The following KLF17 variants were observed in gnomAD, a reference collection of about 807,000 sequenced individuals.
KLF17 encodes KLF transcription factor 17, also known as Krueppel-like factor 17.
In KLF17, 31 loss-of-function variants were observed where a neutral mutation model predicts 34.2. That is an observed-to-expected ratio of 0.91 (90% CI 0.68 to 1.22). KLF17 has a LOEUF of 1.22. Among genes scored for constraint, KLF17 ranks in the 50% most tolerant of loss-of-function variants. The pLI, the probability that KLF17 is intolerant of heterozygous loss-of-function variation, is 0.00. For synonymous variants in KLF17, 179 were observed against 186.7 expected (o/e 0.96, Z 0.34); for missense variants, 478 against 505.2 (o/e 0.95, Z 0.52).
At chr1:44,113,092 A>G in the KLF17 span, among the ~76,000 whole-genome samples, 3 of 152,128 alleles carry the variant, frequency 2.0e-5, no homozygotes, top group Non-Finnish European at 4.4e-5. Context: ...GTAACCTCAA[A>G]GTTGATTTGT....
chr1:44,078,452 T>C, the KLF17 span, among the ~76,000 whole-genome samples: 2 of 151,746 alleles, frequency 1.3e-5, no homozygotes, highest in Admixed American at 1.3e-4. Context: ...TTTTTTTTTT[T>C]TGAAGGAGTT....
At chr1:44,102,494 AG>A in the KLF17 span, among the ~76,000 whole-genome samples, 1 of 149,262 alleles carries the variant, frequency 6.7e-6, no homozygotes, top group African/African-American at 2.5e-5. Context: ...TGGAGGTTGC[AG>A]TGAGCTGAGA....
the KLF17 span, among the ~76,000 whole-genome samples, chr1:44,078,151 TTAA>T: frequency 1.3e-5 from 2 of 152,258 alleles, no homozygotes; most frequent in Admixed American, 1.3e-4. Context: ...TGTAGATGTC[TTAA>T]TAACACTGAA....
At chr1:44,127,840 T>C (rs762690614) in intron 1 of KLF17, among the ~76,000 whole-genome samples, 7 of 151,140 alleles carry the variant, frequency 4.6e-5, no homozygotes, top group Non-Finnish European at 8.8e-5. Flanking sequence ...ACGTTTTCCC[T>C]TGATTTGTAG....
At chr1:44,081,731 A>G in the KLF17 span, among the ~76,000 whole-genome samples, 1 of 152,046 alleles carries the variant, frequency 6.6e-6, no homozygotes, top group Non-Finnish European at 1.5e-5. Flanking sequence ...TCCCCATGGT[A>G]GTCTTGTTTC....
chr1:44,079,307 C>CTTTTTTTTCTT, the KLF17 span, among the ~76,000 whole-genome samples: 1 of 140,868 alleles, frequency 7.1e-6, no homozygotes, highest in African/African-American at 2.6e-5. Flanking sequence ...TTTTCTTCTC[C>CTTTTTTTTCTT]TTTTTTTTTT....
the KLF17 span, among the ~76,000 whole-genome samples, chr1:44,099,368 C>T: frequency 2.0e-5 from 3 of 152,126 alleles, no homozygotes; most frequent in Non-Finnish European, 4.4e-5. Context: ...CATGCTGCTA[C>T]ACTCCTGCCT....
chr1:44,058,615 T>C, the KLF17 span, among the ~76,000 whole-genome samples: 1 of 149,020 alleles, frequency 6.7e-6, no homozygotes, highest in Non-Finnish European at 1.5e-5. Context: ...TATGTAAGGA[T>C]GACTCCAAAG....
Position 44,127,658 on chromosome 1 carries a change from C to CT in KLF17, c.82-1692dup, listed in dbSNP as rs879618450. Among the ~76,000 whole-genome samples, 56 of 42,096 alleles carry CT rather than the reference C, an allele frequency of 1.3e-3. 1 individual carries two copies. The highest frequency in any genetic ancestry group is 0.012 in the East Asian group (17 of 1,390). 27.6% of individuals were successfully genotyped at this position (42,096 alleles called of 152,430 possible). On this transcript the variant is annotated intron_variant, in intron 1 of 3. Transcript: ENST00000372299. ...TCTTTCCTTCTTTCTTTCTTTCTTT[C>CT]TTTCTTTCTTTCTTTCTTTCTTTCT... is the stretch of plus-strand genomic sequence containing the variant.
intron 1 of KLF17, among the ~76,000 whole-genome samples, chr1:44,126,312 A>G (rs2088007947): frequency 6.6e-6 from 1 of 152,188 alleles, no homozygotes; most frequent in South Asian, 2.1e-4. Flanking sequence ...GGCGTGAGCC[A>G]CCGCACCCGG....
the KLF17 span, among the ~76,000 whole-genome samples, chr1:44,099,905 G>T: frequency 5.7e-5 from 3 of 52,200 alleles, no homozygotes; most frequent in African/African-American, 2.0e-4. Flanking sequence ...AAGAAAGAAA[G>T]AAAGAAAGAA....
chr1:44,110,554 TGTG>T, the KLF17 span: 1 of 151,742 alleles, frequency 6.6e-6, no homozygotes, highest in Non-Finnish European at 1.5e-5. Context: ...ATTAGCCTGG[TGTG>T]GTGGTGCATG....
chr1:44,100,579 C>G, the KLF17 span, among the ~76,000 whole-genome samples: 1 of 152,112 alleles, frequency 6.6e-6, no homozygotes, highest in South Asian at 2.1e-4. Flanking sequence ...AGAACTAATT[C>G]GAGTAACTTT....
In KLF17 at chr1:44,121,021, C is replaced by CAAG. The variant is rs1306566140; in HGVS notation, c.81+2035_81+2037dup. 3.3e-5 allele frequency among the ~76,000 whole-genome samples: 5 copies of CAAG among 152,240 alleles called. No homozygotes were observed. The East Asian group carries it at 9.7e-4, about 29-fold the overall frequency. Reference sequence around the variant, plus strand: ...AAAATTAATTAAATAAAAAATAAAACAAGATCTTCCCAACTCTTCTAGAGT... The same window carrying CAAG: ...AAAATTAATTAAATAAAAAATAAAACAAGAAGATCTTCCCAACTCTTCTAGAGT... On this transcript the variant is annotated intron_variant, in intron 1 of 3. Transcript: ENST00000372299.
chr1:44,124,591 T>C (rs1419372273), intron 1 of KLF17, among the ~76,000 whole-genome samples: 1 of 146,450 alleles, frequency 6.8e-6, no homozygotes, highest in East Asian at 2.0e-4. Flanking sequence ...GCCCCCGGGG[T>C]TCACGCCATT....
chr1:44,072,070 G>A, the KLF17 span, among the ~76,000 whole-genome samples: 1 of 152,066 alleles, frequency 6.6e-6, no homozygotes, highest in African/African-American at 2.4e-5. Flanking sequence ...TGGAGGTGGT[G>A]AGAATTGGTA....
At chr1:44,112,983 G>A in the KLF17 span, among the ~76,000 whole-genome samples, 3 of 152,098 alleles carry the variant, frequency 2.0e-5, no homozygotes, top group East Asian at 3.9e-4. Context: ...TCATTCTGAT[G>A]GCTTCAATTC....
chr1:44,129,194 G>A (rs947871677), intron 1 of KLF17, among the ~76,000 whole-genome samples, 159 bp from the exon 2 acceptor site: 3 of 152,010 alleles, frequency 2.0e-5, no homozygotes, highest in African/African-American at 4.8e-5. Flanking sequence ...CAGCCAGACC[G>A]CATGTTAGAA....
intron 1 of KLF17, among the ~76,000 whole-genome samples, chr1:44,127,639 CTTCTTTCTTTCTTTCTTTCTTTCTTTCT>C: frequency 1.3e-5 from 1 of 77,428 alleles, no homozygotes; most frequent in South Asian, 3.9e-4. Flanking sequence ...CTTTTCTTTC[CTTCTTTCTTTCTTTCTTTCTTTCTTTCT>C]TTCTTTCTTT....
Sources: gnomAD v4.1 joint callset for allele counts (sites outside exome capture counted in the v4.1 genomes callset) on GRCh38, gnomAD v4.1.1 for gene constraint, MANE v1.5 for transcripts, NCBI Gene and HGNC (gene_info 2026-07-23, HGNC 2026-07-21) for gene names.